The following PDE8B variants were observed in gnomAD, a reference collection of about 807,000 sequenced individuals.
PDE8B encodes the protein high affinity cAMP-specific and IBMX-insensitive 3',5'-cyclic phosphodiesterase 8B.
PDE8B carries 26 observed loss-of-function variants against 101.3 expected under a neutral mutation model. The observed-to-expected ratio is 0.26, with a 90% CI of 0.19 to 0.36. The LOEUF is 0.36. Ranked by LOEUF, PDE8B falls within the 10% of genes least tolerant of loss-of-function variation. The pLI, the probability that PDE8B is intolerant of heterozygous loss-of-function variation, is 1.00. For synonymous variants in PDE8B, 424 were observed against 429.3 expected (o/e 0.99, Z 0.15); for missense variants, 810 against 1,163.1 (o/e 0.70, Z 4.42).
At chr5:77,149,349 CT>C in the PDE8B span, among the ~76,000 whole-genome samples, 1 of 152,074 alleles carries the variant, frequency 6.6e-6, no homozygotes, top group Non-Finnish European at 1.5e-5. Context: ...TTTGGCTGTA[CT>C]TTGCATTTTG....
the PDE8B span, among the ~76,000 whole-genome samples, chr5:77,135,287 G>A: frequency 6.6e-6 from 1 of 152,066 alleles, no homozygotes; most frequent in African/African-American, 2.4e-5. Flanking sequence ...TCCTTCACAG[G>A]CATTTCTCCC....
In PDE8B at chr5:77,290,456, T is replaced by C. The variant is rs541650761; in HGVS notation, c.340-21538T>C. On this transcript the variant is annotated intron_variant, in intron 1 of 21. Transcript: ENST00000264917. ...CCAGTGTGGCAGACTATGAAGAAAC[T>C]GTAAAGAAAGCAACAGAAGCATGGA... The C allele has an allele frequency of 4.1e-6, 6 of 1,458,436 alleles. No individual in the cohort carries two copies. In the South Asian group the frequency reaches 5.7e-5, roughly 14 times the overall value. The allele number at this position is 1,458,436 out of a possible 1,614,324, so 90.3% of individuals were successfully genotyped here.
the PDE8B span, chr5:77,118,698 A>C: frequency 2.0e-5 from 5 of 247,878 alleles, no homozygotes; most frequent in African/African-American, 1.1e-4. Flanking sequence ...ATGTATCTGC[A>C]TGTGGTCAGT....
the PDE8B span, among the ~76,000 whole-genome samples, chr5:77,202,653 G>A: frequency 6.8e-6 from 1 of 147,658 alleles, no homozygotes; most frequent in Non-Finnish European, 1.5e-5. Flanking sequence ...TTTTTTTTGA[G>A]ACAGAGTCTC....
intron 10 of PDE8B, among the ~76,000 whole-genome samples, chr5:77,393,585 T>G (rs574932560): frequency 6.6e-6 from 1 of 152,300 alleles, no homozygotes; most frequent in Admixed American, 6.5e-5. Context: ...TAAATTTTAG[T>G]CTCACTATAC....
intron 1 of PDE8B, among the ~76,000 whole-genome samples, chr5:77,262,963 T>A (rs1450100406): frequency 6.6e-6 from 1 of 152,188 alleles, no homozygotes; most frequent in Non-Finnish European, 1.5e-5. Flanking sequence ...GACTCCTTCC[T>A]TTTTTCTGAT....
chr5:77,218,181 C>T (rs774613795), intron 1 of PDE8B, among the ~76,000 whole-genome samples: 2 of 152,240 alleles, frequency 1.3e-5, no homozygotes, highest in Middle Eastern at 3.4e-3. Context: ...GTTTCCAAGG[C>T]GATTTAAGTT....
At chr5:77,264,613 A>T (rs1169428153) in intron 1 of PDE8B, among the ~76,000 whole-genome samples, 1 of 152,164 alleles carries the variant, frequency 6.6e-6, no homozygotes, top group Non-Finnish European at 1.5e-5. Flanking sequence ...ATTTGGGGGC[A>T]GTGGAGCTAA....
At chr5:77,313,945 T>C (rs1374809338) in intron 2 of PDE8B, among the ~76,000 whole-genome samples, 1 of 152,236 alleles carries the variant, frequency 6.6e-6, no homozygotes, top group African/African-American at 2.4e-5. Context: ...ACATCGTTCT[T>C]CATTCATCAG....
At chr5:77,194,632 A>G in the PDE8B span, among the ~76,000 whole-genome samples, 1 of 152,152 alleles carries the variant, frequency 6.6e-6, no homozygotes, top group African/African-American at 2.4e-5. Context: ...GCCCCTGGCA[A>G]GCACCTGCTC....
At chr5:77,330,491 C>G (rs560890756) in intron 4 of PDE8B, among the ~76,000 whole-genome samples, 1 of 152,238 alleles carries the variant, frequency 6.6e-6, no homozygotes, top group South Asian at 2.1e-4. Context: ...ACCCTTGGAA[C>G]CCTTTTTGTG....
At chr5:77,190,356 T>C in the PDE8B span, among the ~76,000 whole-genome samples, 1 of 152,198 alleles carries the variant, frequency 6.6e-6, no homozygotes, top group Non-Finnish European at 1.5e-5. Context: ...GCCACTAAGA[T>C]AGCTCTAAAG....
At chr5:77,408,057 G>T (rs186140005) in intron 13 of PDE8B, among the ~76,000 whole-genome samples, 2 of 152,340 alleles carry the variant, frequency 1.3e-5, no homozygotes, top group Admixed American at 1.3e-4. Context: ...CAGCTTCTGT[G>T]CAGAGAATCG....
the PDE8B span, among the ~76,000 whole-genome samples, chr5:77,202,465 T>G: frequency 6.6e-6 from 1 of 152,356 alleles, no homozygotes; most frequent in Admixed American, 6.5e-5. Context: ...TTTCACTTAA[T>G]GAATAGTAAA....
At chr5:77,112,680 A>G in the PDE8B span, 34 of 152,210 alleles carry the variant, frequency 2.2e-4, no homozygotes, top group African/African-American at 8.0e-4. Context: ...CAATCAGGCA[A>G]GAGAAAGAAA....
At chr5:77,338,582 G>A (rs1778606672) in intron 6 of PDE8B, among the ~76,000 whole-genome samples, 2 of 152,152 alleles carry the variant, frequency 1.3e-5, no homozygotes, top group Admixed American at 1.3e-4. Flanking sequence ...GTGTATGTCA[G>A]CTTCAGAGAA....
At chr5:77,180,248 C>T in the PDE8B span, among the ~76,000 whole-genome samples, 1 of 152,194 alleles carries the variant, frequency 6.6e-6, no homozygotes, top group African/African-American at 2.4e-5. Context: ...CCCAGGCACC[C>T]GCCGGCCCGG....
the PDE8B span, among the ~76,000 whole-genome samples, chr5:77,159,615 G>A: frequency 6.6e-6 from 1 of 152,110 alleles, no homozygotes; most frequent in African/African-American, 2.4e-5. Flanking sequence ...GGATTGGTGC[G>A]TTTGCATATA....
chr5:77,351,919 G>T (rs889495450), intron 9 of PDE8B, among the ~76,000 whole-genome samples: 3 of 152,192 alleles, frequency 2.0e-5, no homozygotes, highest in Non-Finnish European at 4.4e-5. Flanking sequence ...TGACTCTTAG[G>T]ACTACCTGAG....
Sources: allele counts gnomAD v4.1 joint callset (sites outside exome capture counted in the v4.1 genomes callset), GRCh38; gene constraint gnomAD v4.1.1; transcripts MANE v1.5; gene names NCBI Gene and HGNC (gene_info 2026-07-23, HGNC 2026-07-21).